The following TBC1D23 variants were observed in gnomAD, a reference collection of about 807,000 sequenced individuals.
TBC1D23 encodes HCV non-structural protein 4A-transactivated protein 1.
TBC1D23 carries 55 observed loss-of-function variants against 91.4 expected under a neutral mutation model. The observed-to-expected ratio is 0.60, with a 90% CI of 0.48 to 0.75. The LOEUF is 0.75. Ranked by LOEUF, TBC1D23 falls within the 30% of genes least tolerant of loss-of-function variation. The pLI is 0.00. For missense variants in TBC1D23, 725 were observed against 836.1 expected (o/e 0.87, Z 1.64); for synonymous variants, 289 against 281.0 (o/e 1.03, Z -0.28).
intron 15 of TBC1D23, 79 bp from the exon 16 acceptor site, chr3:100,316,020 A>G: frequency 8.6e-7 from 1 of 1,157,862 alleles, no homozygotes; most frequent in Non-Finnish European, 1.3e-6. Context: ...ATTTTGTGTG[A>G]ATATTCAAAT....
At chr3:100,305,413 G>T (rs771915624) in intron 12 of TBC1D23, among the ~76,000 whole-genome samples, 1 of 152,080 alleles carries the variant, frequency 6.6e-6, no homozygotes, top group Non-Finnish European at 1.5e-5. Flanking sequence ...CAAGTATTGA[G>T]AATTTTACTT....
intron 10 of TBC1D23, among the ~76,000 whole-genome samples, chr3:100,300,913 AAG>A (rs771252947): frequency 3.9e-4 from 59 of 152,162 alleles, no homozygotes; most frequent in Non-Finnish European, 4.6e-4. Flanking sequence ...AACAGTTTCT[AAG>A]AGATCTTTTG....
At chr3:100,268,027 C>T (rs746298090) in intron 1 of TBC1D23, among the ~76,000 whole-genome samples, 1 of 151,968 alleles carries the variant, frequency 6.6e-6, no homozygotes, top group Admixed American at 6.6e-5. Flanking sequence ...AAAAAATTAG[C>T]CAGACTTGGT....
intron 1 of TBC1D23, among the ~76,000 whole-genome samples, chr3:100,262,734 A>AC (rs771976100): frequency 6.5e-4 from 98 of 151,432 alleles, no homozygotes; most frequent in Non-Finnish European, 1.3e-3. Flanking sequence ...AAAAAAAAAA[A>AC]AAAAAAAAAA....
At chr3:100,298,397 A>G (rs567566511) in intron 9 of TBC1D23, among the ~76,000 whole-genome samples, 58 of 152,356 alleles carry the variant, frequency 3.8e-4, no homozygotes, top group African/African-American at 1.3e-3. Context: ...GTTTACAGCT[A>G]ATTGAATTAC....
intron 14 of TBC1D23, among the ~76,000 whole-genome samples, chr3:100,310,777 T>C (rs1223662053): frequency 1.3e-5 from 2 of 152,220 alleles, no homozygotes; most frequent in Non-Finnish European, 2.9e-5. Flanking sequence ...CATCATGCCA[T>C]TCACTAAAAG....
intron 10 of TBC1D23, 73 bp from the exon 11 acceptor site, chr3:100,301,991 TAAA>T: frequency 8.3e-7 from 1 of 1,199,474 alleles, no homozygotes; most frequent in Non-Finnish European, 1.2e-6. Context: ...GGGTTTTTCC[TAAA>T]AAAAATTTCA....
At chr3:100,262,015 T>C (rs1010673755) in intron 1 of TBC1D23, among the ~76,000 whole-genome samples, 1 of 152,206 alleles carries the variant, frequency 6.6e-6, no homozygotes, top group African/African-American at 2.4e-5. Context: ...TTGATAGACA[T>C]CGACTTTAAT....
intron 1 of TBC1D23, among the ~76,000 whole-genome samples, chr3:100,274,891 C>T (rs1368950275): frequency 2.7e-5 from 3 of 111,862 alleles, no homozygotes; most frequent in Non-Finnish European, 4.1e-5. Flanking sequence ...GCATACAGTA[C>T]ACACCCCCCC....
chr3:100,287,784 CA>C (rs1454425253), intron 4 of TBC1D23, among the ~76,000 whole-genome samples: 6 of 152,038 alleles, frequency 3.9e-5, no homozygotes, highest in Admixed American at 2.6e-4. Flanking sequence ...CATTGTAAAA[CA>C]TTTTTTTTTC....
intron 1 of TBC1D23, among the ~76,000 whole-genome samples, chr3:100,265,667 T>G (rs1015033995): frequency 2.0e-5 from 3 of 152,202 alleles, no homozygotes; most frequent in Non-Finnish European, 4.4e-5. Flanking sequence ...TGGTATTGAC[T>G]TCAATTATAT....
In TBC1D23 at chr3:100,267,163, C is replaced by G. The variant is rs1020577382; in HGVS notation, c.53+6092C>G. ...GCTGGTGTTTTGGAAATTACAGGCT[C>G]TAACAGAAAATAATAGGATTAAACA... On this transcript the variant is annotated intron_variant, in intron 1 of 18. Coordinates refer to ENST00000394144, the MANE Select transcript of TBC1D23 (RefSeq NM_001199198.3). 5 of 400,190 alleles carry G rather than the reference C, an allele frequency of 1.2e-5. No individual in the cohort carries two copies. The Admixed American group carries it at 1.3e-4, about 10-fold the overall frequency. The allele number at this position is 400,190 out of a possible 1,614,324, so 24.8% of individuals were successfully genotyped here. A position where few individuals can be genotyped will look rare whatever the true frequency, so the allele number is the denominator to read the frequency against.
At chr3:100,287,613 G>A (rs2067755219) in intron 4 of TBC1D23, among the ~76,000 whole-genome samples, 1 of 152,122 alleles carries the variant, frequency 6.6e-6, no homozygotes, top group Admixed American at 6.5e-5. Context: ...TATGAATCTA[G>A]TTCTGTGTCT....
chr3:100,269,152 A>G (rs551349896), intron 1 of TBC1D23, among the ~76,000 whole-genome samples: 1 of 152,308 alleles, frequency 6.6e-6, no homozygotes, highest in East Asian at 1.9e-4. Flanking sequence ...CCTTTTGCCT[A>G]TTGCATACAA....
At chr3:100,278,161 A>G (rs1469390957) in intron 1 of TBC1D23, among the ~76,000 whole-genome samples, 2 of 152,182 alleles carry the variant, frequency 1.3e-5, no homozygotes, top group Non-Finnish European at 2.9e-5. Context: ...AGTGAAAAAA[A>G]TGAAGAGTGG....
chr3:100,279,687 G>T lies in TBC1D23; in HGVS notation c.92G>T (p.Cys31Phe). 1 of 1,608,990 alleles carries T rather than the reference G, an allele frequency of 6.2e-7. No homozygotes were observed. The highest frequency in any genetic ancestry group is 8.5e-7 in the Non-Finnish European group (1 of 1,176,456). ...DLEEALEAGG[C>F]DLETLRNIIQ... is the part of the protein sequence containing the mutation. ...GAAGAAGCTCTGGAAGCAGGAGGTTGTGATCTTGAAACGTTGAGAAATATA... is the reference window on the plus strand; with the variant it reads ...GAAGAAGCTCTGGAAGCAGGAGGTTTTGATCTTGAAACGTTGAGAAATATA... The change falls in exon 2 of 19, where the codon TGT (cysteine) becomes TTT (phenylalanine). Residue 31 changes from cysteine (C) to phenylalanine (F), a missense_variant. Cys to Phe is a radical substitution (Grantham distance 205). Coordinates refer to ENST00000394144, the MANE Select transcript of TBC1D23 (RefSeq NM_001199198.3).
At chr3:100,315,056 T>A (rs1705709426) in intron 15 of TBC1D23, among the ~76,000 whole-genome samples, 1 of 152,068 alleles carries the variant, frequency 6.6e-6, no homozygotes, top group Admixed American at 6.5e-5. Context: ...AGGATATTAA[T>A]TTTTATATTC....
intron 1 of TBC1D23, among the ~76,000 whole-genome samples, chr3:100,266,170 T>TATAATTAGAGGGCAGGCAAAGA (rs1440083717): frequency 9.8e-5 from 15 of 152,300 alleles, no homozygotes; most frequent in Admixed American, 9.1e-4. Flanking sequence ...TTTTGTAAAC[T>TATAATTAGAGGGCAGGCAAAGA]ATAATTAGAG....
chr3:100,267,224 A>G (rs991949968), intron 1 of TBC1D23: 1 of 452,014 alleles, frequency 2.2e-6, no homozygotes, highest in African/African-American at 2.0e-5. Context: ...TGAGTTAAAT[A>G]TTGAGAATTA....
Sources: allele counts gnomAD v4.1 joint callset (sites outside exome capture counted in the v4.1 genomes callset), GRCh38; gene constraint gnomAD v4.1.1; transcripts MANE v1.5; gene names NCBI Gene and HGNC (gene_info 2026-07-23, HGNC 2026-07-21).